Variants in CFAP20DC observed in about 807,000 individuals in gnomAD.
CFAP20DC encodes the protein CFAP20 domain containing.
CFAP20DC carries 84 observed loss-of-function variants against 101.7 expected under a neutral mutation model. The ratio of observed to expected loss-of-function variants is 0.83; its 90% CI spans 0.69 to 0.99. CFAP20DC has a LOEUF of 0.99. Ranked by LOEUF, CFAP20DC falls within the 50% of genes least tolerant of loss-of-function variation. CFAP20DC has a pLI of 0.00. For missense variants in CFAP20DC, 1,007 were observed against 970.3 expected (o/e 1.04, Z -0.50); for synonymous variants, 359 against 351.2 (o/e 1.02, Z -0.25).
At chr3:58,909,656 G>C (rs1161586597) in intron 6 of CFAP20DC, among the ~76,000 whole-genome samples, 1 of 151,962 alleles carries the variant, frequency 6.6e-6, no homozygotes, top group East Asian at 1.9e-4. Flanking sequence ...ATTCTTTTGT[G>C]CTTAATTCTA....
At chr3:58,809,421 T>A (rs1436296878) in intron 14 of CFAP20DC, among the ~76,000 whole-genome samples, 1 of 152,030 alleles carries the variant, frequency 6.6e-6, no homozygotes, top group Non-Finnish European at 1.5e-5. Context: ...CTCAACTACA[T>A]GGAAACTGAA....
chr3:58,789,728 G>A (rs955039462), intron 15 of CFAP20DC, among the ~76,000 whole-genome samples: 1 of 152,002 alleles, frequency 6.6e-6, no homozygotes, highest in African/African-American at 2.4e-5. Flanking sequence ...TTGAACAGAT[G>A]ATGGTAAAAT....
intron 4 of CFAP20DC, among the ~76,000 whole-genome samples, chr3:59,010,404 A>G (rs745576724): frequency 1.3e-5 from 2 of 152,118 alleles, no homozygotes; most frequent in Admixed American, 6.6e-5. Context: ...AAGCAGAAGT[A>G]GCTATTCTTT....
chr3:58,905,807 T>A (rs2083529619), intron 6 of CFAP20DC, among the ~76,000 whole-genome samples: 2 of 152,186 alleles, frequency 1.3e-5, no homozygotes, highest in Non-Finnish European at 2.9e-5. Context: ...CTTTGCAGAA[T>A]AAAGACAAAA....
At chr3:59,037,189 C>A (rs920468319) in intron 4 of CFAP20DC, among the ~76,000 whole-genome samples, 1 of 152,090 alleles carries the variant, frequency 6.6e-6, no homozygotes, top group Non-Finnish European at 1.5e-5. Flanking sequence ...TAGAAGAAAA[C>A]CTAGGCAATA....
At chr3:58,960,155 C>T (rs2091008443) in intron 4 of CFAP20DC, among the ~76,000 whole-genome samples, 1 of 152,126 alleles carries the variant, frequency 6.6e-6, no homozygotes, top group African/African-American at 2.4e-5. Context: ...TGTCTCCTCT[C>T]TTATTTTCTT....
chr3:58,759,833 T>C (rs1230584059), intron 15 of CFAP20DC, among the ~76,000 whole-genome samples: 2 of 152,204 alleles, frequency 1.3e-5, no homozygotes, highest in Non-Finnish European at 2.9e-5. Context: ...TTATCAAAGA[T>C]CAGATGGTTG....
intron 3 of CFAP20DC, among the ~76,000 whole-genome samples, chr3:58,723,670 C>T (rs58997964): frequency 0.057 from 8,717 of 152,248 alleles, 530 homozygotes; most frequent in East Asian, 0.36. Flanking sequence ...TCCTCATTAG[C>T]TTGATGACCT....
intron 14 of CFAP20DC, among the ~76,000 whole-genome samples, chr3:58,831,043 C>T (rs2076359692): frequency 6.6e-6 from 1 of 152,200 alleles, no homozygotes; most frequent in Non-Finnish European, 1.5e-5. Context: ...GGTGTGGAAG[C>T]TTGGACCCAG....
At chr3:58,993,096 AAATAG>A (rs1325372104) in intron 4 of CFAP20DC, among the ~76,000 whole-genome samples, 1 of 152,194 alleles carries the variant, frequency 6.6e-6, no homozygotes, top group Non-Finnish European at 1.5e-5. Context: ...ACTGTTTCTA[AAATAG>A]AATAGTAGTG....
intron 15 of CFAP20DC, among the ~76,000 whole-genome samples, chr3:58,764,890 T>C (rs1005872888): frequency 6.6e-6 from 1 of 152,138 alleles, no homozygotes; most frequent in Non-Finnish European, 1.5e-5. Flanking sequence ...CCTGCACATA[T>C]TGAGTACTCT....
rs1342479359 is a variant in CFAP20DC, at chr3:58,863,358, C to T, written c.1593+200G>A. 3 of 1,405,300 alleles carry T rather than the reference C, an allele frequency of 2.1e-6. No homozygotes were observed. In the East Asian group the frequency reaches 7.7e-5, roughly 36 times the overall value. The allele number at this position is 1,405,300 out of a possible 1,614,324, so 87.1% of individuals were successfully genotyped here. ...TTTCTATAAGTAAAAGTGAAATTGG[C>T]TGACTGTTAATTAAAAAAAAAAAAA... On this transcript the variant is annotated intron_variant, in intron 12 of 16. Coordinates refer to ENST00000482387, the MANE Select transcript of CFAP20DC (RefSeq NM_001394063.1). The surrounding 1 kb of genome is among the most constrained non-coding windows in gnomAD (Gnocchi z 5.9).
intron 15 of CFAP20DC, among the ~76,000 whole-genome samples, chr3:58,764,261 G>T (rs892351724): frequency 1.4e-4 from 22 of 152,276 alleles, no homozygotes; most frequent in Admixed American, 1.2e-3. Flanking sequence ...CAGCCTTGCT[G>T]CCACCTTGTA....
rs116279774 is a variant in CFAP20DC at position 58,810,465 on chromosome 3, C to G, written c.2176-4009G>C. ...TGAAGACAAAAACCACATCATAATC[C>G]CAATAGATGCAGAAAAGGCCTCTGA... On this transcript the variant is annotated intron_variant, in intron 14 of 16. Coordinates refer to ENST00000482387, the MANE Select transcript of CFAP20DC (RefSeq NM_001394063.1). Among the ~76,000 whole-genome samples, 467 of 152,130 alleles carry G rather than the reference C, an allele frequency of 3.1e-3. 8 individuals carry two copies. Among genetic ancestry groups the G allele is most frequent in the African/African-American group, 0.011 (445 of 41,514 alleles).
intron 14 of CFAP20DC, among the ~76,000 whole-genome samples, chr3:58,808,982 T>C (rs1232936055): frequency 2.6e-5 from 4 of 151,864 alleles, no homozygotes; most frequent in African/African-American, 4.9e-5. Context: ...CATTACATAA[T>C]GGTAAAGGGA....
intron 7 of CFAP20DC, among the ~76,000 whole-genome samples, chr3:58,871,817 C>T (rs746911577): frequency 5.3e-5 from 8 of 152,082 alleles, no homozygotes; most frequent in Non-Finnish European, 8.8e-5. Context: ...TGTGAGCCAC[C>T]GCACCTGGCC....
intron 4 of CFAP20DC, among the ~76,000 whole-genome samples, chr3:58,966,645 T>C (rs1354129406): frequency 1.3e-5 from 2 of 151,564 alleles, no homozygotes; most frequent in Non-Finnish European, 2.9e-5. Context: ...TACCTCAGCC[T>C]CCCGAGTAGC....
Position 58,852,807 on chromosome 3 carries a change from C to T in CFAP20DC, c.1594-3398G>A, listed in dbSNP as rs373424260. ...CCAACGAGAACAAAGACACAACATA[C>T]CAGAATCTCTGGGATGCATTCAAAG... On this transcript the variant is annotated intron_variant, in intron 12 of 16. Coordinates refer to ENST00000482387, the MANE Select transcript of CFAP20DC (RefSeq NM_001394063.1). 5.3e-5 allele frequency among the ~76,000 whole-genome samples: 8 copies of T among 150,666 alleles called. No homozygotes were observed. In the East Asian group the frequency reaches 1.2e-3, roughly 22 times the overall value.
intron 13 of CFAP20DC, among the ~76,000 whole-genome samples, chr3:58,836,320 C>A (rs1048846043): frequency 8.5e-5 from 13 of 152,276 alleles, no homozygotes; most frequent in African/African-American, 3.1e-4. Context: ...ATAACTCCAG[C>A]AAAAACATAA....
Sources: allele counts gnomAD v4.1 joint callset (sites outside exome capture counted in the v4.1 genomes callset), GRCh38; gene constraint gnomAD v4.1.1; non-coding constraint Gnocchi (gnomAD v3.1); transcripts MANE v1.5; gene names NCBI Gene and HGNC (gene_info 2026-07-23, HGNC 2026-07-21).